RBFOX1: variants seen among roughly 807,000 people sequenced by gnomAD.
The protein encoded by RBFOX1 is RNA binding protein fox-1 homolog 1.
RBFOX1 carries 8 observed loss-of-function variants against 57.7 expected under a neutral mutation model. The ratio of observed to expected loss-of-function variants is 0.14; its 90% CI spans 0.08 to 0.25. The LOEUF is 0.25. Among genes scored for constraint, RBFOX1 ranks in the 10% least tolerant of loss-of-function variants. The pLI is 1.00. For missense variants in RBFOX1, 611 were observed against 548.5 expected, an observed-to-expected ratio of 1.11 and a Z score of -1.14; for synonymous variants, 326 against 222.4, an observed-to-expected ratio of 1.47 and a Z score of -4.15.
At chr16:5,690,480 C>T (rs1171070875) in intron 3 of RBFOX1, among the ~76,000 whole-genome samples, 1 of 152,138 alleles carries the variant, frequency 6.6e-6, no homozygotes, top group East Asian at 1.9e-4. Flanking sequence ...CAAAATACTG[C>T]CCGTAACGCT....
At chr16:6,673,636 G>A (rs2098781997) in intron 3 of RBFOX1, among the ~76,000 whole-genome samples, 1 of 152,152 alleles carries the variant, frequency 6.6e-6, no homozygotes, top group Non-Finnish European at 1.5e-5. Flanking sequence ...TGAACACAAA[G>A]TAATGAAATA....
At chr16:7,309,243 T>C (rs889283978) in intron 4 of RBFOX1, among the ~76,000 whole-genome samples, 5 of 152,228 alleles carry the variant, frequency 3.3e-5, no homozygotes, top group African/African-American at 1.2e-4. Flanking sequence ...TGTTAGGCTG[T>C]TATCAGCCAG....
At chr16:7,316,987 A>ACACACAC (rs1568178930) in intron 4 of RBFOX1, among the ~76,000 whole-genome samples, 23 of 45,856 alleles carry the variant, frequency 5.0e-4, no homozygotes, top group African/African-American at 1.3e-3. Context: ...CACACACACA[A>ACACACAC]ACACACACAC....
chr16:5,585,426 T>A lies in RBFOX1; in HGVS notation c.259-13476T>A, dbSNP rs1391469456. Among the ~76,000 whole-genome samples, 7 of 152,292 alleles carry A rather than the reference T, an allele frequency of 4.6e-5. No homozygotes were observed. The East Asian group carries it at 1.2e-3, about 25-fold the overall frequency. On this transcript the variant is annotated intron_variant, in intron 2 of 2. Transcript: ENST00000585867. Reference sequence around the variant, plus strand: ...TTCATCCAGTGATGGACATCTGGGGTGTTTCCTGCTTTGGGCTCTCTTGGG... The same window carrying A: ...TTCATCCAGTGATGGACATCTGGGGAGTTTCCTGCTTTGGGCTCTCTTGGG...
chr16:6,303,146 A>C (rs997055879), intron 1 of RBFOX1, among the ~76,000 whole-genome samples: 1 of 152,184 alleles, frequency 6.6e-6, no homozygotes, highest in Admixed American at 6.5e-5. Flanking sequence ...TTTTCATTGT[A>C]GTTGTGAGAC....
In RBFOX1 at chr16:5,493,284, G is replaced by A. The variant is rs2042894430; in HGVS notation, c.258+26030G>A. Among the ~76,000 whole-genome samples the A allele has an allele frequency of 5.3e-5, 8 of 151,970 alleles. No individual in the cohort carries two copies. In the South Asian group the frequency reaches 6.3e-4, roughly 12 times the overall value. On this transcript the variant is annotated intron_variant, in intron 2 of 2. Transcript: ENST00000585867. ...ATGGGATCTCACTATGTTACTCAGG[G>A]TGGTTTTGAACTCCTGGCCTCAAGC...
At chr16:5,309,609 G>T (rs548157982) in intron 1 of RBFOX1, among the ~76,000 whole-genome samples, 2 of 152,082 alleles carry the variant, frequency 1.3e-5, no homozygotes, top group Admixed American at 1.3e-4. Context: ...TAACCATCAC[G>T]TGAATAGTGT....
chr16:6,811,438 T>C (rs1034621120), intron 3 of RBFOX1, among the ~76,000 whole-genome samples: 2 of 152,226 alleles, frequency 1.3e-5, no homozygotes, highest in South Asian at 4.1e-4. Context: ...TTATACAATA[T>C]ATTTTTTTCC....
chr16:6,119,758 C>T lies in RBFOX1; in HGVS notation c.-127+99766C>T, dbSNP rs80250436. Among the ~76,000 whole-genome samples the T allele has an allele frequency of 1.2e-3, 186 of 152,328 alleles. 1 individual carries two copies. The East Asian group carries it at 0.028, about 23-fold the overall frequency. ...CCCTAAGCAATCCTCCCTCAGCCTC[C>T]TGAAACACTAGGAGTAGAGGCACAA... On this transcript the variant is annotated intron_variant, in intron 1 of 15. Transcript: ENST00000550418.
At chr16:6,819,661 A>G (rs973152088) in intron 3 of RBFOX1, among the ~76,000 whole-genome samples, 46 of 133,504 alleles carry the variant, frequency 3.4e-4, no homozygotes, top group African/African-American at 1.3e-3. Context: ...GCCAGGATCA[A>G]GGCATTGCAT....
intron 3 of RBFOX1, among the ~76,000 whole-genome samples, chr16:6,759,916 A>C (rs2076364179): frequency 6.6e-6 from 1 of 152,224 alleles, no homozygotes; most frequent in Non-Finnish European, 1.5e-5. Context: ...TGGAATTCTC[A>C]TTAGTTTATT....
chr16:6,879,063 C>G (rs750741483), intron 3 of RBFOX1, among the ~76,000 whole-genome samples: 1 of 152,164 alleles, frequency 6.6e-6, no homozygotes, highest in Non-Finnish European at 1.5e-5. Flanking sequence ...TCAGCCCACT[C>G]TTTTAAGAAG....
intron 4 of RBFOX1, among the ~76,000 whole-genome samples, chr16:7,356,291 G>A (rs1030032438): frequency 4.6e-5 from 7 of 152,164 alleles, no homozygotes; most frequent in African/African-American, 1.2e-4. Flanking sequence ...AGGCATCATC[G>A]TTATAGATCT....
chr16:6,875,457 C>G (rs987294435), intron 3 of RBFOX1, among the ~76,000 whole-genome samples: 72 of 152,160 alleles, frequency 4.7e-4, no homozygotes, highest in African/African-American at 1.7e-3. Context: ...ACACAAGATT[C>G]GCTGAGAGTC....
At chr16:7,166,969 G>GTTTTTTT (rs1555527093) in intron 4 of RBFOX1, among the ~76,000 whole-genome samples, 2 of 49,860 alleles carry the variant, frequency 4.0e-5, no homozygotes, top group Non-Finnish European at 3.9e-5. Flanking sequence ...CTGCATTGGT[G>GTTTTTTT]TTCTTTTTTT....
intron 5 of RBFOX1, among the ~76,000 whole-genome samples, chr16:7,540,306 T>C (rs1299897827): frequency 1.3e-5 from 2 of 152,152 alleles, no homozygotes; most frequent in Non-Finnish European, 2.9e-5. Flanking sequence ...TAACTCAAGG[T>C]ACCTGAAAAT....
At chr16:6,322,335 A>G (rs1297791597) in intron 2 of RBFOX1, among the ~76,000 whole-genome samples, 1 of 152,174 alleles carries the variant, frequency 6.6e-6, no homozygotes, top group Non-Finnish European at 1.5e-5. Flanking sequence ...TCTTTTCTCC[A>G]TGAATCCCTC....
chr16:6,916,915 T>C (rs1302311072), intron 3 of RBFOX1, among the ~76,000 whole-genome samples: 1 of 152,208 alleles, frequency 6.6e-6, no homozygotes, highest in East Asian at 1.9e-4. Flanking sequence ...AGTGACATAA[T>C]CTCGGCTCAC....
intron 2 of RBFOX1, among the ~76,000 whole-genome samples, chr16:6,513,117 T>C (rs953930623): frequency 6.6e-6 from 1 of 152,222 alleles, no homozygotes. Flanking sequence ...ATCCCAGCTC[T>C]ACCACCCATT....
Sources: allele counts gnomAD v4.1 joint callset (sites outside exome capture counted in the v4.1 genomes callset), GRCh38; gene constraint gnomAD v4.1.1; transcripts MANE v1.5; gene names NCBI Gene and HGNC (gene_info 2026-07-23, HGNC 2026-07-21).